Variants in GNAL observed in about 807,000 individuals in gnomAD.
GNAL encodes G protein subunit alpha L, also known as guanine nucleotide-binding protein G(olf) subunit alpha.
Under a neutral mutation model 55.1 loss-of-function variants are expected in GNAL, and 18 were observed. The observed-to-expected ratio is 0.33, with a 90% CI of 0.23 to 0.48. GNAL has a LOEUF of 0.48. Among genes scored for constraint, GNAL ranks in the 20% least tolerant of loss-of-function variants. GNAL has a pLI of 0.99. For missense variants in GNAL, 412 were observed against 614.1 expected (o/e 0.67, Z 3.48); for synonymous variants, 253 against 237.0 (o/e 1.07, Z -0.62).
chr18:11,768,236 A>G (rs1320016476), intron 4 of GNAL, among the ~76,000 whole-genome samples: 2 of 152,194 alleles, frequency 1.3e-5, no homozygotes, highest in Non-Finnish European at 2.9e-5. Flanking sequence ...TGAGTTACAC[A>G]AAGGAAGTGT....
At chr18:11,775,680 A>C (rs2033763387) in intron 4 of GNAL, among the ~76,000 whole-genome samples, 1 of 152,224 alleles carries the variant, frequency 6.6e-6, no homozygotes, top group African/African-American at 2.4e-5. Context: ...CAAGTCCCTC[A>C]AGAGGCATTC....
chr18:11,852,415 C>G, intron 5 of GNAL: 1 of 338,164 alleles, frequency 3.0e-6, no homozygotes, highest in South Asian at 4.6e-5. Flanking sequence ...TATTCAGTTT[C>G]CTGCCCAGAA....
At chr18:11,852,039 G>T (rs779543624) in intron 5 of GNAL, 1 of 1,613,744 alleles carries the variant, frequency 6.2e-7, no homozygotes, top group South Asian at 1.1e-5. Flanking sequence ...CCGGCTCCGT[G>T]GGCACGAGCG....
At chr18:11,825,114 GA>G (rs2035206478) in intron 5 of GNAL, 99 bp downstream of exon 5, 2 of 705,484 alleles carry the variant, frequency 2.8e-6, no homozygotes, top group Non-Finnish European at 4.9e-6. Context: ...TGAGTGCAAG[GA>G]ATGAATAATT....
intron 1 of GNAL, among the ~76,000 whole-genome samples, chr18:11,729,358 T>C (rs757169416): frequency 6.6e-6 from 1 of 152,150 alleles, no homozygotes; most frequent in Non-Finnish European, 1.5e-5. Flanking sequence ...GTGAACCAGC[T>C]GGAGGATGCT....
intron 6 of GNAL, among the ~76,000 whole-genome samples, chr18:11,864,150 G>T (rs1475705511): frequency 1.4e-5 from 2 of 147,164 alleles, no homozygotes; most frequent in Non-Finnish European, 3.0e-5. Context: ...GCAATGGCGC[G>T]ATCTCAGCTC....
intron 1 of GNAL, among the ~76,000 whole-genome samples, chr18:11,706,091 A>G (rs1450437917): frequency 6.6e-6 from 1 of 151,846 alleles, no homozygotes; most frequent in Non-Finnish European, 1.5e-5. Flanking sequence ...GATATTTGCT[A>G]TTTTTTGTTT....
At chr18:11,746,801 C>T (rs1568007372) in intron 1 of GNAL, 2 of 471,396 alleles carry the variant, frequency 4.2e-6, no homozygotes. Context: ...GGAGGGCAGC[C>T]CTGATTTATT....
intron 1 of GNAL, chr18:11,746,812 G>A (rs2032697779): frequency 2.1e-6 from 1 of 485,994 alleles, no homozygotes; most frequent in Non-Finnish European, 4.1e-6. Flanking sequence ...CTGATTTATT[G>A]GTTGCTGGAC....
intron 4 of GNAL, among the ~76,000 whole-genome samples, chr18:11,799,539 C>T (rs2034468991): frequency 6.6e-6 from 1 of 152,136 alleles, no homozygotes; most frequent in Non-Finnish European, 1.5e-5. Flanking sequence ...ACAGCTTGAC[C>T]ATGTGTAATC....
chr18:11,883,262 A>AGAT lies in GNAL; in HGVS notation c.*2128_*2130dup, dbSNP rs1238311684. 6.6e-6 allele frequency: 1 copy of AGAT among 152,222 alleles called. No homozygotes were observed. The highest frequency in any genetic ancestry group is 1.5e-5 in the Non-Finnish European group (1 of 68,030). 9.4% of individuals were successfully genotyped at this position (152,222 alleles called of 1,614,324 possible). On this transcript the variant is annotated 3_prime_UTR_variant, in exon 12 of 12. Coordinates refer to ENST00000334049, the MANE Select transcript of GNAL (RefSeq NM_182978.4). ...TCTCATAAAGCCCTCAGCTGAACTA[A>AGAT]GATAAATAATACAATGGAAATTATT... is the stretch of plus-strand genomic sequence containing the variant.
chr18:11,866,987 G>A (rs1483068507), intron 7 of GNAL, among the ~76,000 whole-genome samples, 181 bp from the exon 8 acceptor site: 3 of 152,144 alleles, frequency 2.0e-5, no homozygotes, highest in Admixed American at 1.3e-4. Flanking sequence ...GGCTGAGAGA[G>A]GTGGAGCCAC....
chr18:11,768,338 C>A (rs1056177767), intron 4 of GNAL, among the ~76,000 whole-genome samples: 1 of 152,192 alleles, frequency 6.6e-6, no homozygotes, highest in South Asian at 2.1e-4. Flanking sequence ...CCGTGGCTCA[C>A]ACCTGTAATT....
chr18:11,862,183 GAAAA>G (rs965577001), intron 5 of GNAL, among the ~76,000 whole-genome samples: 2 of 150,540 alleles, frequency 1.3e-5, no homozygotes, highest in Non-Finnish European at 3.0e-5. Context: ...TTAAAAAAAA[GAAAA>G]AAAAAGAATG....
rs1435061752 is a variant in GNAL at position 11,881,417 on chromosome 18, C to G, written c.*282C>G. ...GGGTGGGAGCCCCATTATTCATTCTCCCTTTATTGATTCATCGAGGAGAAC... is the reference window on the plus strand; with the variant it reads ...GGGTGGGAGCCCCATTATTCATTCTGCCTTTATTGATTCATCGAGGAGAAC... On this transcript the variant is annotated 3_prime_UTR_variant, in exon 12 of 12. Coordinates refer to ENST00000334049, the MANE Select transcript of GNAL (RefSeq NM_182978.4). This position sits in a 1 kb window ranked among gnomAD's most constrained non-coding sequence, Gnocchi z 4.8. The G allele has an allele frequency of 5.8e-6, 2 of 342,860 alleles. No homozygotes were observed. The highest frequency in any genetic ancestry group is 1.1e-5 in the Non-Finnish European group (2 of 184,304). 21.2% of individuals were successfully genotyped at this position (342,860 alleles called of 1,614,324 possible). A position where few individuals can be genotyped will look rare whatever the true frequency, so the allele number is the denominator to read the frequency against.
chr18:11,746,176 C>A, intron 1 of GNAL: 1 of 546,832 alleles, frequency 1.8e-6, no homozygotes. Context: ...GGCAAAGTTG[C>A]ATCTGTGGAA....
intron 1 of GNAL, among the ~76,000 whole-genome samples, chr18:11,690,764 C>T (rs1217065601): frequency 6.6e-6 from 1 of 151,808 alleles, no homozygotes; most frequent in Admixed American, 6.6e-5. Context: ...CCAATTTCAT[C>T]CATGTCCCTA....
At chr18:11,834,908 C>T (rs2035467195) in intron 5 of GNAL, among the ~76,000 whole-genome samples, 1 of 152,204 alleles carries the variant, frequency 6.6e-6, no homozygotes, top group South Asian at 2.1e-4. Flanking sequence ...AGGTGAGCCC[C>T]AGCTCAAGTG....
At chr18:11,878,691 T>G (rs532986713) in intron 11 of GNAL, among the ~76,000 whole-genome samples, 272 of 152,174 alleles carry the variant, frequency 1.8e-3, no homozygotes, top group African/African-American at 6.2e-3. Flanking sequence ...TGCCTCAGCC[T>G]CCTGAGTAGC....
Sources: allele counts gnomAD v4.1 joint callset (sites outside exome capture counted in the v4.1 genomes callset), GRCh38; gene constraint gnomAD v4.1.1; non-coding constraint Gnocchi (gnomAD v3.1); transcripts MANE v1.5; gene names NCBI Gene and HGNC (gene_info 2026-07-23, HGNC 2026-07-21).